The following ZFYVE28 variants were observed in gnomAD, a reference collection of about 807,000 sequenced individuals.
ZFYVE28 encodes lateral signaling target protein 2 homolog.
Under a neutral mutation model 82.1 loss-of-function variants are expected in ZFYVE28, and 40 were observed. The observed-to-expected ratio is 0.49, with a 90% CI of 0.38 to 0.63. The LOEUF (loss-of-function observed/expected upper bound fraction) is 0.63. Ranked by LOEUF, ZFYVE28 falls within the 30% of genes least tolerant of loss-of-function variation. The pLI is 0.00. For synonymous variants in ZFYVE28, 612 were observed against 546.1 expected (o/e 1.12, Z -1.68); for missense variants, 1,321 against 1,242.1 (o/e 1.06, Z -0.96).
chr4:2,385,446 T>TGACCC (rs749172397), intron 1 of ZFYVE28, among the ~76,000 whole-genome samples: 46 of 152,342 alleles, frequency 3.0e-4, no homozygotes, highest in Non-Finnish European at 5.1e-4. Context: ...TGCTGTCTCC[T>TGACCC]GACCCCGGCC....
At chr4:2,361,690 G>A (rs911913311) in intron 1 of ZFYVE28, among the ~76,000 whole-genome samples, 4 of 152,170 alleles carry the variant, frequency 2.6e-5, no homozygotes, top group Non-Finnish European at 4.4e-5. Flanking sequence ...CACATCGCTG[G>A]ATGCCAAGGC....
At position 2,339,986 on chromosome 4, in the gene ZFYVE28, G is replaced by A. The variant is rs375971681; in HGVS notation, c.319-331C>T. ...GTGGACTGAGGCCCTTGGGTCTGGG[G>A]GCTCCCTGCAGGAGGAACCCTGGTC... On this transcript the variant is annotated intron_variant, in intron 3 of 12. Coordinates refer to ENST00000290974, the MANE Select transcript of ZFYVE28 (RefSeq NM_020972.3). The surrounding 1 kb of genome is among the most constrained non-coding windows in gnomAD (Gnocchi z 5.0). Among the ~76,000 whole-genome samples, 5 of 151,966 alleles carry A rather than the reference G, an allele frequency of 3.3e-5. No individual in the cohort carries two copies. The South Asian group carries it at 8.3e-4, about 25-fold the overall frequency.
chr4:2,330,877 G>A, intron 6 of ZFYVE28: 1 of 1,534,950 alleles, frequency 6.5e-7, no homozygotes, highest in Non-Finnish European at 8.7e-7. Context: ...TGGGCACGGT[G>A]CAGGCAGATC....
chr4:2,386,329 A>G (rs924201299), intron 1 of ZFYVE28, among the ~76,000 whole-genome samples: 2 of 152,160 alleles, frequency 1.3e-5, no homozygotes, highest in African/African-American at 4.8e-5. Context: ...TACCAAAAAT[A>G]CAAAATTTAG....
At chr4:2,301,329 T>C (rs1009892259) in intron 8 of ZFYVE28, among the ~76,000 whole-genome samples, 9 of 152,188 alleles carry the variant, frequency 5.9e-5, no homozygotes, top group Non-Finnish European at 8.8e-5. Context: ...TGCCGCCCGC[T>C]GACCTGATTT....
At chr4:2,271,805 G>A in intron 10 of ZFYVE28, 26 bp from the exon 11 acceptor site, 5 of 1,605,204 alleles carry the variant, frequency 3.1e-6, no homozygotes, top group Non-Finnish European at 4.3e-6. Context: ...GGCCGTCGGG[G>A]TATGGTGAGG....
intron 8 of ZFYVE28, among the ~76,000 whole-genome samples, chr4:2,290,054 A>T (rs996011637): frequency 6.6e-6 from 1 of 152,126 alleles, no homozygotes; most frequent in African/African-American, 2.4e-5. Context: ...TCAACAACTG[A>T]CAGACAGCCA....
chr4:2,353,848 G>T lies in ZFYVE28; in HGVS notation c.180+85C>A, dbSNP rs1578217596. 13 of 1,298,414 alleles carry T rather than the reference G, an allele frequency of 1.0e-5. 1 individual carries two copies. In the East Asian group the frequency reaches 3.7e-4, roughly 37 times the overall value. 80.4% of individuals were successfully genotyped at this position (1,298,414 alleles called of 1,614,324 possible). On this transcript the variant is annotated intron_variant, in intron 2 of 12. Transcript: ENST00000290974. ...CAACGCCACCACAGGGGGCCAGCAG[G>T]TGACAAAGCCTTGGTCTACTGAGGA...
chr4:2,364,284 C>T (rs115941362), intron 1 of ZFYVE28, among the ~76,000 whole-genome samples: 1,844 of 152,314 alleles, frequency 0.012, 34 homozygotes, highest in African/African-American at 0.043. Context: ...CACCTACCCC[C>T]TGCAGGTGCC....
At chr4:2,276,026 G>A (rs562631057) in intron 8 of ZFYVE28, among the ~76,000 whole-genome samples, 223 of 152,368 alleles carry the variant, frequency 1.5e-3, no homozygotes, top group Admixed American at 2.5e-3. Flanking sequence ...TTCACAGACC[G>A]TGGGAAACAT....
chr4:2,332,814 C>T lies in ZFYVE28; in HGVS notation c.701+2891G>A, dbSNP rs567578833. Among the ~76,000 whole-genome samples, 7 of 152,264 alleles carry T rather than the reference C, an allele frequency of 4.6e-5. No individual in the cohort carries two copies. The highest frequency in any genetic ancestry group is 1.4e-4 in the African/African-American group (6 of 41,540). On this transcript the variant is annotated intron_variant, in intron 6 of 12. Coordinates refer to ENST00000290974, the MANE Select transcript of ZFYVE28 (RefSeq NM_020972.3). This position sits in a 1 kb window ranked among gnomAD's most constrained non-coding sequence, Gnocchi z 4.7. ...TCAGCACTCACCCGCTCAGCACTCA[C>T]CCGCCCTGCTCGAGGCTCGCTGCAC...
At chr4:2,285,075 T>A (rs531877377) in intron 8 of ZFYVE28, among the ~76,000 whole-genome samples, 18 of 152,372 alleles carry the variant, frequency 1.2e-4, no homozygotes, top group African/African-American at 4.3e-4. Context: ...CTAAGCCAAC[T>A]TGACTGGTGT....
chr4:2,384,178 T>C (rs138362298), intron 1 of ZFYVE28, among the ~76,000 whole-genome samples: 124 of 152,266 alleles, frequency 8.1e-4, no homozygotes, highest in African/African-American at 2.9e-3. Flanking sequence ...CCAAAGTCAA[T>C]GCCACAGAGC....
At chr4:2,303,151 G>A (rs1715860098) in intron 8 of ZFYVE28, among the ~76,000 whole-genome samples, 1 of 152,176 alleles carries the variant, frequency 6.6e-6, no homozygotes, top group Admixed American at 6.5e-5. Flanking sequence ...GGAAAGAGCT[G>A]CAGGGAGGCC....
intron 8 of ZFYVE28, among the ~76,000 whole-genome samples, chr4:2,297,205 G>A (rs1362520987): frequency 8.5e-5 from 13 of 152,268 alleles, no homozygotes; most frequent in African/African-American, 2.9e-4. Flanking sequence ...CGCACCGGGA[G>A]CCAGGCTGGG....
Position 2,274,285 on chromosome 4 carries a change from CT to C in ZFYVE28, c.2052-70del, listed in dbSNP as rs1405389967. The C allele has an allele frequency of 3.0e-5, 46 of 1,544,486 alleles. No individual in the cohort carries two copies. The Admixed American group carries it at 9.1e-4, about 31-fold the overall frequency. ...AAGGGGCCGTGGAGCCCGAAGGTCA[CT>C]GGTCAAGACAAAAGTCTGTGTCCTC... On this transcript the variant is annotated intron_variant, in intron 8 of 12. Transcript: ENST00000290974.
At position 2,341,118 on chromosome 4, in the gene ZFYVE28, C is replaced by G. The variant is rs962720844; in HGVS notation, c.318+360G>C. ...GGGGCTGCAGCACGGCTCCCCAGCC[C>G]CTGCTGCTGCCCATGCTGCAGGGCC... On this transcript the variant is annotated intron_variant, in intron 3 of 12. Coordinates refer to ENST00000290974, the MANE Select transcript of ZFYVE28 (RefSeq NM_020972.3). This position sits in a 1 kb window ranked among gnomAD's most constrained non-coding sequence, Gnocchi z 4.5. Among the ~76,000 whole-genome samples, 5 of 152,044 alleles carry G rather than the reference C, an allele frequency of 3.3e-5. No individual in the cohort carries two copies. The highest frequency in any genetic ancestry group is 7.4e-5 in the Non-Finnish European group (5 of 67,992).
intron 6 of ZFYVE28, chr4:2,329,263 T>G: frequency 2.2e-6 from 1 of 458,636 alleles, no homozygotes; most frequent in East Asian, 3.2e-5. Context: ...TGGAATGTCT[T>G]TCTCTTTAAT....
chr4:2,336,310 AT>A (rs758056046), intron 5 of ZFYVE28, among the ~76,000 whole-genome samples: 4 of 152,226 alleles, frequency 2.6e-5, no homozygotes, highest in Admixed American at 6.5e-5. Context: ...ACTTTTCAAA[AT>A]AAAAGGAATT....
Sources: gnomAD v4.1 joint callset for allele counts (sites outside exome capture counted in the v4.1 genomes callset) on GRCh38, gnomAD v4.1.1 for gene constraint, Gnocchi (gnomAD v3.1) non-coding constraint, MANE v1.5 for transcripts, NCBI Gene and HGNC (gene_info 2026-07-23, HGNC 2026-07-21) for gene names.